The following PUDP variants were observed in gnomAD, a reference collection of about 807,000 sequenced individuals.
The protein encoded by PUDP is pseudouridine 5'-phosphatase.
Under a neutral mutation model 9.4 loss-of-function variants are expected in PUDP, and 8 were observed. That is an observed-to-expected ratio of 0.85 (90% confidence interval 0.50 to 1.53). The LOEUF is 1.53. Among genes scored for constraint, PUDP ranks in the 40% most tolerant of loss-of-function variants. The pLI, the probability that PUDP is intolerant of heterozygous loss-of-function variation, is 0.00. For synonymous variants in PUDP, 99 were observed against 80.7 expected, an observed-to-expected ratio of 1.23 and a Z score of -1.22; for missense variants, 188 against 189.7, an observed-to-expected ratio of 0.99 and a Z score of 0.05.
intron 1 of PUDP, among the ~76,000 whole-genome samples, chrX:7,017,881 T>C (rs1303040366): frequency 1.8e-5 from 2 of 111,299 alleles, no homozygotes; most frequent in Non-Finnish European, 3.8e-5. Context: ...CAGGATGAGA[T>C]AGGAGGTTGG....
intron 3 of PUDP, among the ~76,000 whole-genome samples, chrX:6,882,349 T>C (rs1927359395): frequency 8.9e-6 from 1 of 111,802 alleles, no homozygotes; most frequent in Non-Finnish European, 1.9e-5. Flanking sequence ...AGTGTTATTG[T>C]TTTATCATGG....
At chrX:7,025,502 G>T (rs1478035632) in intron 1 of PUDP, among the ~76,000 whole-genome samples, 5 of 111,951 alleles carry the variant, frequency 4.5e-5, no homozygotes, top group Admixed American at 9.5e-5. Flanking sequence ...ATCATTGTGG[G>T]GATGTAGTAC....
chrX:6,968,561 A>C (rs1928822278), intron 3 of PUDP, among the ~76,000 whole-genome samples: 1 of 110,947 alleles, frequency 9.0e-6, no homozygotes, highest in Non-Finnish European at 1.9e-5. Flanking sequence ...TCATCTCTTA[A>C]AGCTGCAGTG....
intron 1 of PUDP, among the ~76,000 whole-genome samples, chrX:7,040,863 C>T (rs1311353883): frequency 1.8e-5 from 2 of 110,660 alleles, no homozygotes; most frequent in African/African-American, 3.3e-5. Flanking sequence ...CTTGACACCC[C>T]TGTTCTTAGC....
At chrX:6,828,223 G>C (rs917746035) in intron 3 of PUDP, among the ~76,000 whole-genome samples, 1 of 111,228 alleles carries the variant, frequency 9.0e-6, no homozygotes, top group African/African-American at 3.3e-5. Context: ...ATATATACTG[G>C]AACAAAGATG....
At chrX:6,876,857 G>T (rs1380553073) in intron 3 of PUDP, among the ~76,000 whole-genome samples, 3 of 108,052 alleles carry the variant, frequency 2.8e-5, no homozygotes, top group Non-Finnish European at 5.7e-5. Context: ...ATAGACATAT[G>T]TGTATACACA....
At chrX:7,060,256 G>A (rs1413745338) in intron 3 of PUDP, among the ~76,000 whole-genome samples, 2 of 112,111 alleles carry the variant, frequency 1.8e-5, no homozygotes, top group African/African-American at 3.2e-5. Context: ...AATAAAAGCC[G>A]GTGTTTATAG....
rs112237088 is a variant in PUDP at position 7,128,338 on chromosome X, G to A, written c.61+19715C>T. Among the ~76,000 whole-genome samples, 455 of 111,833 alleles carry A rather than the reference G, an allele frequency of 4.1e-3. 2 individuals are homozygous for A. Among genetic ancestry groups the A allele is most frequent in the African/African-American group, 0.014 (438 of 30,784 alleles). On this transcript the variant is annotated intron_variant, in intron 1 of 3. Coordinates refer to ENST00000381077, the MANE Select transcript of PUDP (RefSeq NM_012080.5). ...ATTACAGATGTGTGCCACCACGCCC[G>A]GCCAACATTTACTAATTTATAAGCA... is the stretch of plus-strand genomic sequence containing the variant.
chrX:6,858,224 A>C (rs1342752471), intron 3 of PUDP, among the ~76,000 whole-genome samples: 1 of 111,037 alleles, frequency 9.0e-6, no homozygotes, highest in Non-Finnish European at 1.9e-5. Flanking sequence ...ATGCTGGGAG[A>C]AGGATGTACC....
intron 3 of PUDP, among the ~76,000 whole-genome samples, chrX:6,876,792 CAT>C (rs1364330311): frequency 1.8e-5 from 2 of 110,660 alleles, no homozygotes; most frequent in African/African-American, 3.3e-5. Flanking sequence ...GACATATATA[CAT>C]ATAGACACAT....
chrX:6,797,485 T>G (rs1447856458), intron 3 of PUDP, among the ~76,000 whole-genome samples: 1 of 111,604 alleles, frequency 9.0e-6, no homozygotes, highest in Non-Finnish European at 1.9e-5. Flanking sequence ...CTTGGGTCAT[T>G]CATCCTGAAG....
chrX:7,109,043 C>G (rs1391903731), intron 1 of PUDP, among the ~76,000 whole-genome samples: 1 of 111,941 alleles, frequency 8.9e-6, no homozygotes, highest in African/African-American at 3.3e-5. Context: ...CAAGTAACAA[C>G]CTGAGTAACT....
chrX:7,003,647 A>T (rs1193445898), intron 1 of PUDP, among the ~76,000 whole-genome samples: 1 of 111,536 alleles, frequency 9.0e-6, no homozygotes, highest in Non-Finnish European at 1.9e-5. Context: ...AAAGGAAGGA[A>T]TTTTTTTCTC....
intron 3 of PUDP, among the ~76,000 whole-genome samples, chrX:6,746,468 G>C (rs748988164): frequency 2.7e-5 from 3 of 111,617 alleles, no homozygotes; most frequent in Non-Finnish European, 5.6e-5. Context: ...TGCTACATAA[G>C]TAAACGTGTG....
intron 3 of PUDP, among the ~76,000 whole-genome samples, chrX:6,837,245 T>C (rs1926596699): frequency 8.9e-6 from 1 of 112,307 alleles, no homozygotes; most frequent in Non-Finnish European, 1.9e-5. Flanking sequence ...GAACAAATAA[T>C]ACATCTCATG....
chrX:6,728,314 G>A (rs980233635), intron 3 of PUDP, among the ~76,000 whole-genome samples: 1 of 110,921 alleles, frequency 9.0e-6, no homozygotes, highest in Non-Finnish European at 1.9e-5. Context: ...CTTGAGGCCA[G>A]GTGTTTGAGT....
upstream of PUDP, among the ~76,000 whole-genome samples, chrX:6,722,217 G>A (rs1225224053): frequency 4.5e-5 from 5 of 111,096 alleles, no homozygotes; most frequent in East Asian, 5.6e-4. Context: ...AGGCCAAGGC[G>A]GGTGGACCAC....
chrX:6,981,055 C>T (rs926160452), intron 1 of PUDP, among the ~76,000 whole-genome samples: 2 of 111,637 alleles, frequency 1.8e-5, no homozygotes, highest in Non-Finnish European at 3.8e-5. Flanking sequence ...AGCATGAGAC[C>T]GACAAAAGCT....
intron 3 of PUDP, among the ~76,000 whole-genome samples, chrX:6,967,027 G>A (rs779867403): frequency 1.8e-5 from 2 of 111,705 alleles, no homozygotes; most frequent in South Asian, 3.8e-4. Flanking sequence ...GGAAAGAGAC[G>A]GGCTGTGTCT....
Sources: allele counts gnomAD v4.1 joint callset (sites outside exome capture counted in the v4.1 genomes callset), GRCh38; gene constraint gnomAD v4.1.1; transcripts MANE v1.5; gene names NCBI Gene and HGNC (gene_info 2026-07-23, HGNC 2026-07-21).